The following DISP1 variants were observed in gnomAD, a reference collection of about 807,000 sequenced individuals.
The protein encoded by DISP1 is dispatched RND transporter family member 1.
DISP1 carries 30 observed loss-of-function variants against 37.3 expected under a neutral mutation model. The observed-to-expected ratio is 0.80, with a 90% CI of 0.60 to 1.09. DISP1 has a LOEUF of 1.09. Among genes scored for constraint, DISP1 ranks in the 50% least tolerant of loss-of-function variants. The pLI is 0.00. For missense variants in DISP1, 1,598 were observed against 1,879.5 expected (o/e 0.85, Z 2.77); for synonymous variants, 634 against 690.2 (o/e 0.92, Z 1.28).
intron 1 of DISP1, among the ~76,000 whole-genome samples, chr1:222,882,545 G>T (rs1558309840): frequency 1.3e-5 from 2 of 152,144 alleles, no homozygotes; most frequent in Non-Finnish European, 2.9e-5. Context: ...TTACAAATTT[G>T]CAGGTTAATT....
At chr1:222,850,557 C>T (rs528367737) in intron 1 of DISP1, among the ~76,000 whole-genome samples, 51 of 152,112 alleles carry the variant, frequency 3.4e-4, no homozygotes, top group African/African-American at 1.2e-3. Flanking sequence ...AAGCCTGGTA[C>T]CCAATAGTGA....
intron 1 of DISP1, among the ~76,000 whole-genome samples, chr1:222,886,198 G>A (rs536569662): frequency 6.6e-6 from 1 of 152,284 alleles, no homozygotes; most frequent in South Asian, 2.1e-4. Context: ...TTTTTCTGAT[G>A]CTGATGGCAA....
At chr1:222,839,357 C>T (rs929266505) in intron 1 of DISP1, among the ~76,000 whole-genome samples, 8 of 152,200 alleles carry the variant, frequency 5.3e-5, no homozygotes, top group Non-Finnish European at 8.8e-5. Context: ...CCCCTGCCCA[C>T]GTTGTCTGTG....
At chr1:222,914,732 G>A (rs1012754315) in intron 1 of DISP1, among the ~76,000 whole-genome samples, 1 of 152,124 alleles carries the variant, frequency 6.6e-6, no homozygotes, top group African/African-American at 2.4e-5. Context: ...GCCAAGGCAG[G>A]AGGATCTCTT....
chr1:222,837,259 T>A (rs1303850507), intron 1 of DISP1: 1 of 391,740 alleles, frequency 2.6e-6, no homozygotes, highest in East Asian at 3.6e-5. Flanking sequence ...GGACGCCAAT[T>A]GATGAAGACA....
At chr1:222,819,626 G>A (rs61838113) in intron 1 of DISP1, among the ~76,000 whole-genome samples, 18,058 of 145,954 alleles carry the variant, frequency 0.12, 1,439 homozygotes, top group South Asian at 0.19. Flanking sequence ...TGCAAGCTCC[G>A]CCTCCTGGGT....
intron 1 of DISP1, chr1:222,824,073 A>G (rs967599433): frequency 1.3e-4 from 19 of 151,310 alleles, no homozygotes; most frequent in African/African-American, 4.4e-4. Flanking sequence ...CCATCTCCCA[A>G]CTTGTTATAA....
At position 222,978,938 on chromosome 1, in the gene DISP1, T is replaced by C. The variant is rs546858880; in HGVS notation, c.510-4142T>C. Among the ~76,000 whole-genome samples the C allele has an allele frequency of 1.4e-4, 21 of 152,322 alleles. No homozygotes were observed. The East Asian group carries it at 3.9e-3, about 28-fold the overall frequency. On this transcript the variant is annotated intron_variant, in intron 3 of 8. Coordinates refer to ENST00000675850, the MANE Select transcript of DISP1 (RefSeq NM_001377229.1). ...GGTTACTGTAGCCTTGTAGTATAGT[T>C]TGAAGTCCGGTAGCATGATGCCTCC...
At chr1:222,877,441 A>G (rs1670028956) in intron 1 of DISP1, among the ~76,000 whole-genome samples, 1 of 152,154 alleles carries the variant, frequency 6.6e-6, no homozygotes. Flanking sequence ...TATCACAAGA[A>G]CAGTATGGAG....
intron 2 of DISP1, among the ~76,000 whole-genome samples, chr1:222,935,133 C>T (rs1163751364): frequency 1.3e-5 from 2 of 152,186 alleles, no homozygotes; most frequent in African/African-American, 2.4e-5. Flanking sequence ...AGGCTTGTTG[C>T]TCCACCCCTG....
chr1:222,993,558 A>AGT (rs1678851716), intron 7 of DISP1, among the ~76,000 whole-genome samples: 2 of 152,124 alleles, frequency 1.3e-5, no homozygotes, highest in Admixed American at 6.5e-5. Context: ...TACTCTGTAT[A>AGT]GTAATAGATA....
chr1:222,925,823 C>T (rs746549876), intron 1 of DISP1, among the ~76,000 whole-genome samples: 1 of 152,198 alleles, frequency 6.6e-6, no homozygotes, highest in Non-Finnish European at 1.5e-5. Context: ...TCAGGAATCT[C>T]TGTTTTCATC....
At chr1:222,942,488 A>C (rs572933319) in intron 2 of DISP1, among the ~76,000 whole-genome samples, 20 of 152,080 alleles carry the variant, frequency 1.3e-4, no homozygotes, top group Non-Finnish European at 2.6e-4. Flanking sequence ...CTCATGCAAA[A>C]TGGTCTAGTT....
intron 1 of DISP1, among the ~76,000 whole-genome samples, chr1:222,876,523 C>T (rs962618482): frequency 2.0e-5 from 3 of 151,852 alleles, no homozygotes; most frequent in Admixed American, 6.6e-5. Flanking sequence ...AAATGCCCAT[C>T]GAAAAAGAAG....
chr1:222,985,653 G>A (rs1407010937), intron 4 of DISP1, among the ~76,000 whole-genome samples: 2 of 152,120 alleles, frequency 1.3e-5, no homozygotes, highest in Non-Finnish European at 2.9e-5. Flanking sequence ...CCGTCTCGGG[G>A]TGGGGGAAAG....
Position 222,868,555 on chromosome 1 carries a change from G to A in DISP1, c.-159+53477G>A, listed in dbSNP as rs180772995. 2.1e-3 allele frequency among the ~76,000 whole-genome samples: 321 copies of A among 152,076 alleles called. 1 individual carries two copies. The highest frequency in any genetic ancestry group is 7.5e-3 in the African/African-American group (312 of 41,516). Reference sequence around the variant, plus strand: ...CATTTATTGTTGTATTATTTAATTTGTTACATGAAGCATCTATTTTGTTAT... The same window carrying A: ...CATTTATTGTTGTATTATTTAATTTATTACATGAAGCATCTATTTTGTTAT... On this transcript the variant is annotated intron_variant, in intron 1 of 8. Coordinates refer to ENST00000675850, the MANE Select transcript of DISP1 (RefSeq NM_001377229.1).
At chr1:222,936,898 T>TAA (rs1383282266) in intron 2 of DISP1, among the ~76,000 whole-genome samples, 35 of 38,834 alleles carry the variant, frequency 9.0e-4, no homozygotes, top group African/African-American at 2.7e-3. Context: ...AATATATTAT[T>TAA]TATATATAAT....
chr1:222,945,140 C>T (rs748274290), intron 3 of DISP1, among the ~76,000 whole-genome samples: 8 of 152,060 alleles, frequency 5.3e-5, no homozygotes, highest in Admixed American at 2.6e-4. Flanking sequence ...GGAAGGGAAA[C>T]GTGGTAATAA....
chr1:222,967,124 C>CAT (rs141881412), intron 3 of DISP1, among the ~76,000 whole-genome samples: 70,598 of 151,094 alleles, frequency 0.47, 18,220 homozygotes, highest in Non-Finnish European at 0.59. Context: ...AATAGATCTA[C>CAT]ATATATATAT....
Sources: allele counts gnomAD v4.1 joint callset (sites outside exome capture counted in the v4.1 genomes callset), GRCh38; gene constraint gnomAD v4.1.1; transcripts MANE v1.5; gene names NCBI Gene and HGNC (gene_info 2026-07-23, HGNC 2026-07-21).